SUGCT: variants seen among roughly 807,000 people sequenced by gnomAD.
The protein encoded by SUGCT is succinyl-CoA:glutarate-CoA transferase, also known as succinyl-CoA:glutarate CoA-transferase.
SUGCT carries 41 observed loss-of-function variants against 55.0 expected under a neutral mutation model. The ratio of observed to expected loss-of-function variants is 0.74; its 90% CI spans 0.58 to 0.97. The LOEUF (loss-of-function observed/expected upper bound fraction) is 0.97. SUGCT is among the 50% of genes least tolerant of loss of function. The pLI, the probability that SUGCT is intolerant of heterozygous loss-of-function variation, is 0.00. For synonymous variants in SUGCT, 187 were observed against 200.4 expected (o/e 0.93, Z 0.56); for missense variants, 568 against 547.8 (o/e 1.04, Z -0.37).
the SUGCT span, among the ~76,000 whole-genome samples, chr7:40,916,024 A>G: frequency 9.2e-6 from 1 of 108,460 alleles, no homozygotes; most frequent in Non-Finnish European, 1.8e-5. Context: ...TATATTATAT[A>G]TGTCATATAT....
intron 12 of SUGCT, among the ~76,000 whole-genome samples, chr7:40,740,797 TA>T (rs1372095398): frequency 9.2e-5 from 14 of 152,050 alleles, no homozygotes; most frequent in Non-Finnish European, 4.4e-5. Flanking sequence ...GAATAGGAAA[TA>T]ATTTTTAAAA....
intron 8 of SUGCT, among the ~76,000 whole-genome samples, chr7:40,302,939 G>C (rs967686605): frequency 2.0e-5 from 3 of 152,004 alleles, no homozygotes; most frequent in Non-Finnish European, 4.4e-5. Flanking sequence ...ATCTCCACCT[G>C]GACATCCTAT....
chr7:40,180,795 C>CA (rs1446400896), intron 1 of SUGCT, among the ~76,000 whole-genome samples, 152 bp from the exon 2 acceptor site: 11 of 152,190 alleles, frequency 7.2e-5, no homozygotes, highest in Admixed American at 3.9e-4. Context: ...GCTGAGCTTC[C>CA]AGTATTCTTT....
chr7:40,135,521 G>A (rs1787635186), intron 1 of SUGCT, among the ~76,000 whole-genome samples: 2 of 152,264 alleles, frequency 1.3e-5, no homozygotes. Flanking sequence ...AATAAAAGAT[G>A]CCCTTGTACA....
intron 9 of SUGCT, among the ~76,000 whole-genome samples, chr7:40,335,579 A>C (rs1397659611): frequency 6.6e-6 from 1 of 152,076 alleles, no homozygotes; most frequent in Non-Finnish European, 1.5e-5. Flanking sequence ...GAATGCTTGT[A>C]ATTTTTGCAC....
chr7:40,821,585 G>A lies in SUGCT; in HGVS notation c.1154-38731G>A, dbSNP rs893934515. On this transcript the variant is annotated intron_variant, in intron 13 of 13. Transcript: ENST00000335693. Reference sequence around the variant, plus strand: ...TTATAATATTCTTTGATGGTAATTTGTATTTCTGTGGGATCGGTGGTGATA... The same window carrying A: ...TTATAATATTCTTTGATGGTAATTTATATTTCTGTGGGATCGGTGGTGATA... Among the ~76,000 whole-genome samples, 4 of 152,228 alleles carry A rather than the reference G, an allele frequency of 2.6e-5. 1 individual carries two copies. In the South Asian group the frequency reaches 6.2e-4, roughly 24 times the overall value.
intron 6 of SUGCT, among the ~76,000 whole-genome samples, chr7:40,211,915 T>G (rs1013416774): frequency 6.6e-6 from 1 of 152,154 alleles, no homozygotes; most frequent in Admixed American, 6.5e-5. Flanking sequence ...TACATCATAG[T>G]GCATTTTCTA....
At chr7:40,189,502 G>C (rs1785763053) in intron 4 of SUGCT, 42 bp from the exon 5 acceptor site, 1 of 685,492 alleles carries the variant, frequency 1.5e-6, no homozygotes, top group South Asian at 5.0e-5. Flanking sequence ...TTGTGTTTTG[G>C]TCATCGAAAT....
chr7:41,037,724 C>G, the SUGCT span, among the ~76,000 whole-genome samples: 2 of 151,022 alleles, frequency 1.3e-5, no homozygotes, highest in African/African-American at 4.9e-5. Flanking sequence ...GTTATCAGTT[C>G]ACCGCCATGT....
intron 12 of SUGCT, among the ~76,000 whole-genome samples, chr7:40,638,092 C>T (rs1800101056): frequency 6.6e-6 from 1 of 152,146 alleles, no homozygotes; most frequent in Non-Finnish European, 1.5e-5. Flanking sequence ...CCTGTCAGTC[C>T]CTGTTTCTGT....
intron 9 of SUGCT, among the ~76,000 whole-genome samples, chr7:40,438,861 AG>A (rs1181233041): frequency 6.6e-6 from 1 of 151,478 alleles, no homozygotes; most frequent in Non-Finnish European, 1.5e-5. Flanking sequence ...AGTGATTTGC[AG>A]GGCCAGTGAA....
chr7:40,312,196 C>A (rs534246981), intron 8 of SUGCT, among the ~76,000 whole-genome samples: 4 of 151,984 alleles, frequency 2.6e-5, no homozygotes, highest in Non-Finnish European at 4.4e-5. Context: ...TGCTCCACCA[C>A]GCCTGGCTAA....
At chr7:40,188,236 C>A (rs1029070783) in intron 3 of SUGCT, among the ~76,000 whole-genome samples, 3 of 151,894 alleles carry the variant, frequency 2.0e-5, no homozygotes, top group Non-Finnish European at 4.4e-5. Flanking sequence ...GAGTTTGAGA[C>A]CAGCCTGGCC....
the SUGCT span, among the ~76,000 whole-genome samples, chr7:41,016,346 ATGTATTATTT>A: frequency 6.6e-6 from 1 of 152,192 alleles, no homozygotes; most frequent in African/African-American, 2.4e-5. Flanking sequence ...TAAAATAGAA[ATGTATTATTT>A]TGTATTGAAA....
chr7:40,396,489 A>G (rs567647513), intron 9 of SUGCT, among the ~76,000 whole-genome samples: 68 of 152,314 alleles, frequency 4.5e-4, no homozygotes, highest in African/African-American at 1.6e-3. Flanking sequence ...CCTCAGGTTG[A>G]ACTAAAAGTA....
intron 6 of SUGCT, among the ~76,000 whole-genome samples, chr7:40,205,367 C>G (rs1000959403): frequency 4.0e-5 from 6 of 149,124 alleles, no homozygotes; most frequent in African/African-American, 1.5e-4. Flanking sequence ...ATTGGCCGGG[C>G]GCGGTGGCTC....
chr7:40,892,738 G>A, the SUGCT span, among the ~76,000 whole-genome samples: 1 of 152,074 alleles, frequency 6.6e-6, no homozygotes, highest in Non-Finnish European at 1.5e-5. Context: ...GGGTCTTGGT[G>A]TGTTGCCCAG....
At chr7:40,259,897 A>T (rs534311973) in intron 7 of SUGCT, among the ~76,000 whole-genome samples, 2 of 152,322 alleles carry the variant, frequency 1.3e-5, no homozygotes, top group Middle Eastern at 6.8e-3. Flanking sequence ...GCTACTGTTC[A>T]TAATTAAGAA....
chr7:40,922,981 T>G, the SUGCT span, among the ~76,000 whole-genome samples: 1 of 152,184 alleles, frequency 6.6e-6, no homozygotes, highest in Non-Finnish European at 1.5e-5. Context: ...GACAGACCCT[T>G]TGGTAGAAGG....
Sources: gnomAD v4.1 joint callset for allele counts (sites outside exome capture counted in the v4.1 genomes callset) on GRCh38, gnomAD v4.1.1 for gene constraint, MANE v1.5 for transcripts, NCBI Gene and HGNC (gene_info 2026-07-23, HGNC 2026-07-21) for gene names.